The following WDR44 variants were observed in gnomAD, a reference collection of about 807,000 sequenced individuals.
WDR44 encodes WD repeat-containing protein 44.
In WDR44, 9 loss-of-function variants were observed where a neutral mutation model predicts 65.7. That is an observed-to-expected ratio of 0.14 (90% CI 0.08 to 0.24). The LOEUF (loss-of-function observed/expected upper bound fraction) is 0.24. Among genes scored for constraint, WDR44 ranks in the 10% least tolerant of loss-of-function variants. The pLI is 1.00. For missense variants in WDR44, 425 were observed against 670.9 expected (o/e 0.63, Z 4.05); for synonymous variants, 220 against 235.2 (o/e 0.94, Z 0.59).
At chrX:118,410,637 C>T (rs190893249) in intron 11 of WDR44, among the ~76,000 whole-genome samples, 52 of 111,420 alleles carry the variant, frequency 4.7e-4, no homozygotes, top group East Asian at 2.8e-4. Flanking sequence ...GTGTTCTATT[C>T]GAATACTGAG....
intron 1 of WDR44, among the ~76,000 whole-genome samples, chrX:118,369,643 T>C (rs1353280163): frequency 9.3e-6 from 1 of 107,372 alleles, no homozygotes; most frequent in African/African-American, 3.4e-5. Context: ...TAATTTTTTG[T>C]ATTTTTAGTA....
intron 14 of WDR44, among the ~76,000 whole-genome samples, chrX:118,437,632 A>G (rs1387996375): frequency 8.9e-6 from 1 of 112,086 alleles, no homozygotes; most frequent in Non-Finnish European, 1.9e-5. Context: ...CATTTTAATC[A>G]TATTCACATT....
chrX:118,365,500 C>A (rs1474616258), intron 1 of WDR44, among the ~76,000 whole-genome samples: 1 of 108,703 alleles, frequency 9.2e-6, no homozygotes, highest in African/African-American at 3.4e-5. Flanking sequence ...GAGCAAGACC[C>A]TGTCTCCAAA....
chrX:118,446,275 ACT>A (rs1449624607), intron 19 of WDR44, among the ~76,000 whole-genome samples: 1 of 109,314 alleles, frequency 9.1e-6, no homozygotes, highest in African/African-American at 3.3e-5. Flanking sequence ...ACACAGCAAG[ACT>A]CTGTCTAAAA....
At position 118,409,601 on chromosome X, in the gene WDR44, A is replaced by G; in HGVS notation, c.1646A>G (p.Asn549Ser). 1 of 1,201,742 alleles carries G rather than the reference A, an allele frequency of 8.3e-7. No individual in the cohort carries two copies. Among genetic ancestry groups the G allele is most frequent in the Non-Finnish European group, 1.1e-6 (1 of 890,849 alleles). The change falls in exon 11 of 20, where the codon AAT becomes AGT. Residue 549 changes from asparagine (N) to serine (S), a missense_variant. By Grantham distance (46) the Asn-to-Ser change is conservative (BLOSUM62 1). Around this residue, in one of 5 missense-constraint regions of WDR44, gnomAD observed 45 missense variants for 50.0 expected, o/e 0.90. Coordinates refer to ENST00000254029, the MANE Select transcript of WDR44 (RefSeq NM_019045.5). ...ALKNAFDYFN[N>S]MRMKYNTEGR... is the part of the protein sequence containing the mutation. ...AAAAATGCTTTTGACTATTTCAACA[A>G]TATGCGAATGAAATACAATACTGAA...
chrX:118,432,439 G>A (rs1273689232), intron 12 of WDR44, among the ~76,000 whole-genome samples: 1 of 111,605 alleles, frequency 9.0e-6, no homozygotes, highest in African/African-American at 3.3e-5. Flanking sequence ...TCATCACTGG[G>A]AAGGGAAATC....
chrX:118,382,110 C>T (rs2056723497), intron 2 of WDR44, among the ~76,000 whole-genome samples: 1 of 112,039 alleles, frequency 8.9e-6, no homozygotes, highest in Non-Finnish European at 1.9e-5. Context: ...CTCAAACCAT[C>T]CTCCTCCCTT....
intron 19 of WDR44, among the ~76,000 whole-genome samples, chrX:118,447,875 A>AATAT (rs10570740): frequency 0.035 from 1,931 of 54,590 alleles, 66 homozygotes; most frequent in Middle Eastern, 0.06. Context: ...CTCTATCTAA[A>AATAT]ATATATATAT....
chrX:118,413,463 G>A (rs1000431765), intron 12 of WDR44, among the ~76,000 whole-genome samples: 2 of 112,067 alleles, frequency 1.8e-5, no homozygotes, highest in African/African-American at 3.2e-5. Context: ...TTTTTCATAC[G>A]TGTGTTGGCC....
chrX:118,358,109 T>A (rs1266588566), intron 1 of WDR44, among the ~76,000 whole-genome samples: 1 of 112,282 alleles, frequency 8.9e-6, no homozygotes, highest in Non-Finnish European at 1.9e-5. Flanking sequence ...AGCTACCAAA[T>A]AACCCAGCTT....
At chrX:118,411,276 AG>A (rs2057010908) in intron 12 of WDR44, among the ~76,000 whole-genome samples, 2 of 111,398 alleles carry the variant, frequency 1.8e-5, no homozygotes, top group Admixed American at 9.6e-5. Context: ...CCCAAATAAG[AG>A]GTAATTAAGG....
chrX:118,419,474 G>A (rs900468725), intron 12 of WDR44, among the ~76,000 whole-genome samples: 5 of 108,094 alleles, frequency 4.6e-5, no homozygotes, highest in Admixed American at 2.1e-4. Flanking sequence ...TGTGTGTTCC[G>A]GAGAGGAGGA....
At chrX:118,419,954 C>T (rs1239837550) in intron 12 of WDR44, among the ~76,000 whole-genome samples, 1 of 111,676 alleles carries the variant, frequency 9.0e-6, no homozygotes, top group African/African-American at 3.3e-5. Flanking sequence ...TCAACATCTA[C>T]ACGTTACCTT....
At chrX:118,364,581 T>A (rs2056537929) in intron 1 of WDR44, among the ~76,000 whole-genome samples, 1 of 112,424 alleles carries the variant, frequency 8.9e-6, no homozygotes, top group Admixed American at 9.4e-5. Context: ...TGAAAGTGCC[T>A]GGCACATGGT....
intron 1 of WDR44, among the ~76,000 whole-genome samples, chrX:118,358,979 C>G (rs1461011194): frequency 9.1e-6 from 1 of 109,859 alleles, no homozygotes; most frequent in African/African-American, 3.3e-5. Context: ...TAGACTGATG[C>G]AGGAGAATCC....
intron 1 of WDR44, among the ~76,000 whole-genome samples, chrX:118,371,985 CTTTT>C (rs1363109714): frequency 8.3e-5 from 8 of 96,105 alleles, no homozygotes; most frequent in Non-Finnish European, 1.4e-4. Flanking sequence ...TTCTATTTTT[CTTTT>C]TTTATTTCTT....
At chrX:118,447,869 A>G (rs763464467) in intron 19 of WDR44, among the ~76,000 whole-genome samples, 1 of 79,082 alleles carries the variant, frequency 1.3e-5, no homozygotes, top group Non-Finnish European at 2.4e-5. Context: ...GTGAGACTCT[A>G]TCTAAAATAT....
intron 8 of WDR44, among the ~76,000 whole-genome samples, chrX:118,402,433 CTCAAA>C (rs1339690880): frequency 4.3e-5 from 2 of 46,515 alleles, no homozygotes; most frequent in East Asian, 9.8e-4. Context: ...GAAACTCTGT[CTCAAA>C]AAAAAAAAAA....
At chrX:118,356,700 T>C (rs1238929296) in intron 1 of WDR44, among the ~76,000 whole-genome samples, 1 of 103,883 alleles carries the variant, frequency 9.6e-6, no homozygotes, top group Non-Finnish European at 1.9e-5. Context: ...GTAATTACTG[T>C]TTAAGATGTA....
Sources: allele counts gnomAD v4.1 joint callset (sites outside exome capture counted in the v4.1 genomes callset), GRCh38; gene constraint gnomAD v4.1.1; regional missense constraint gnomAD v4.1.1; transcripts MANE v1.5; gene names NCBI Gene and HGNC (gene_info 2026-07-23, HGNC 2026-07-21).